RIC8B: variants seen among roughly 807,000 people sequenced by gnomAD.
RIC8B encodes RIC8 guanine nucleotide exchange factor B, also known as chaperone Ric-8B.
A neutral mutation model predicts 57.5 loss-of-function variants in RIC8B; 16 were observed. The observed-to-expected ratio is 0.28, with a 90% CI of 0.19 to 0.42. The LOEUF (loss-of-function observed/expected upper bound fraction) is 0.42. RIC8B is among the 10% of genes least tolerant of loss of function. The pLI, the probability that RIC8B is intolerant of heterozygous loss-of-function variation, is 1.00. For synonymous variants in RIC8B, 216 were observed against 250.8 expected (o/e 0.86, Z 1.31); for missense variants, 481 against 677.0 (o/e 0.71, Z 3.21).
Position 106,820,430 on chromosome 12 carries a change from C to T in RIC8B, c.741+5126C>T, listed in dbSNP as rs556416521. ...TTAAAAAGCCAATTGATTTATTTAG[C>T]AGGATATAAAGTCAGTTTTAGAAAA... On this transcript the variant is annotated intron_variant, in intron 3 of 9. Coordinates refer to ENST00000392837, the MANE Select transcript of RIC8B (RefSeq NM_001330145.2). 3.3e-5 allele frequency among the ~76,000 whole-genome samples: 5 copies of T among 152,284 alleles called. No individual in the cohort carries two copies. The South Asian group carries it at 1.0e-3, about 32-fold the overall frequency.
chr12:106,809,898 T>G (rs1393615409), intron 2 of RIC8B, among the ~76,000 whole-genome samples: 1 of 152,022 alleles, frequency 6.6e-6, no homozygotes, highest in Non-Finnish European at 1.5e-5. Flanking sequence ...GTAACTGTAA[T>G]TGACCTGTTG....
At chr12:106,784,417 C>G (rs1001440218) in intron 2 of RIC8B, among the ~76,000 whole-genome samples, 4 of 152,174 alleles carry the variant, frequency 2.6e-5, no homozygotes, top group African/African-American at 4.8e-5. Context: ...GCTCTATCAC[C>G]CAGGTTGGAG....
chr12:106,778,355 A>G (rs1374891739), intron 1 of RIC8B, among the ~76,000 whole-genome samples: 2 of 152,156 alleles, frequency 1.3e-5, no homozygotes, highest in African/African-American at 4.8e-5. Flanking sequence ...GGAAATATGT[A>G]TCTATCCCAG....
chr12:106,874,359 C>T (rs1950577784), intron 9 of RIC8B: 1 of 755,336 alleles, frequency 1.3e-6, no homozygotes, highest in East Asian at 2.7e-5. Context: ...ATTAACTTTC[C>T]TTCTCAAAAA....
In RIC8B at chr12:106,774,930, C is replaced by T. The variant is rs1278173664; in HGVS notation, c.84+101C>T. ...CCACCCCCCTCATTCCGGGGATGCG[C>T]ATTGCTCTCCCCCGAAAACGTTTCC... On this transcript the variant is annotated intron_variant, in intron 1 of 9. Transcript: ENST00000392837. 3 of 868,524 alleles carry T rather than the reference C, an allele frequency of 3.5e-6. No homozygotes were observed. The African/African-American group carries it at 5.2e-5, about 15-fold the overall frequency. The allele number at this position is 868,524 out of a possible 1,614,324, so 53.8% of individuals were successfully genotyped here.
At chr12:106,826,499 A>C (rs1286444503) in intron 4 of RIC8B, among the ~76,000 whole-genome samples, 1 of 152,236 alleles carries the variant, frequency 6.6e-6, no homozygotes, top group Non-Finnish European at 1.5e-5. Flanking sequence ...CATGCCTGTA[A>C]ACCCAACACT....
At chr12:106,843,814 T>G (rs1949065714) in intron 5 of RIC8B, 38 bp from the exon 6 acceptor site, 2 of 1,448,208 alleles carry the variant, frequency 1.4e-6, no homozygotes, top group East Asian at 4.6e-5. Context: ...GAAACAAAAC[T>G]AACGTATTTC....
intron 7 of RIC8B, among the ~76,000 whole-genome samples, chr12:106,856,865 T>G (rs1189711462): frequency 6.6e-6 from 1 of 152,174 alleles, no homozygotes. Flanking sequence ...GTAATTTCAG[T>G]ACACTATGAT....
intron 1 of RIC8B, among the ~76,000 whole-genome samples, chr12:106,781,819 A>C (rs2043775595): frequency 6.6e-6 from 1 of 152,210 alleles, no homozygotes; most frequent in South Asian, 2.1e-4. Context: ...CATTTTACAT[A>C]TAATGGCAAA....
chr12:106,820,444 A>C (rs757826992), intron 3 of RIC8B, among the ~76,000 whole-genome samples: 4 of 152,232 alleles, frequency 2.6e-5, no homozygotes, highest in Non-Finnish European at 5.9e-5. Flanking sequence ...ATATAAAGTC[A>C]GTTTTAGAAA....
At chr12:106,782,917 G>A (rs564224652) in intron 1 of RIC8B, among the ~76,000 whole-genome samples, 2 of 152,308 alleles carry the variant, frequency 1.3e-5, no homozygotes, top group South Asian at 2.1e-4. Flanking sequence ...ATTTTTGGTG[G>A]AGATTTTTGT....
intron 9 of RIC8B, among the ~76,000 whole-genome samples, chr12:106,876,326 TA>T (rs1379303524): frequency 6.6e-6 from 1 of 152,170 alleles, no homozygotes; most frequent in African/African-American, 2.4e-5. Flanking sequence ...GAAATGATAA[TA>T]TTTTTGATAC....
chr12:106,799,349 C>G (rs1033174385), intron 2 of RIC8B, among the ~76,000 whole-genome samples: 1 of 152,198 alleles, frequency 6.6e-6, no homozygotes. Context: ...ATGCCAAGCA[C>G]TATGCTAGAG....
chr12:106,787,267 A>G (rs2044073315), intron 2 of RIC8B, among the ~76,000 whole-genome samples: 1 of 152,138 alleles, frequency 6.6e-6, no homozygotes, highest in Non-Finnish European at 1.5e-5. Context: ...AACATCAACA[A>G]ACAAATTCAT....
At chr12:106,875,167 A>G (rs1486843265) in intron 9 of RIC8B, among the ~76,000 whole-genome samples, 1 of 152,108 alleles carries the variant, frequency 6.6e-6, no homozygotes, top group Non-Finnish European at 1.5e-5. Context: ...TGGCTTATTT[A>G]AATATTGGGG....
At chr12:106,841,908 A>C (rs561922505) in intron 4 of RIC8B, among the ~76,000 whole-genome samples, 42 of 152,260 alleles carry the variant, frequency 2.8e-4, no homozygotes, top group African/African-American at 9.6e-4. Context: ...GGTTCCCCCT[A>C]CTGGTGTGCA....
chr12:106,875,184 A>G (rs1950605365), intron 9 of RIC8B, among the ~76,000 whole-genome samples: 1 of 151,168 alleles, frequency 6.6e-6, no homozygotes. Context: ...GGGGTCCATA[A>G]TTCCTTTAAT....
chr12:106,874,674 T>C, intron 9 of RIC8B: 1 of 853,158 alleles, frequency 1.2e-6, no homozygotes, highest in South Asian at 1.7e-5. Context: ...CATTTCTATT[T>C]TGCCTCCATG....
chr12:106,779,888 T>TTGTG (rs58405740), intron 1 of RIC8B, among the ~76,000 whole-genome samples: 4 of 84,188 alleles, frequency 4.8e-5, no homozygotes, highest in Non-Finnish European at 9.6e-5. Flanking sequence ...TTTTTTTTTT[T>TTGTG]TGTGTGTGTG....
Sources: allele counts gnomAD v4.1 joint callset (sites outside exome capture counted in the v4.1 genomes callset), GRCh38; gene constraint gnomAD v4.1.1; transcripts MANE v1.5; gene names NCBI Gene and HGNC (gene_info 2026-07-23, HGNC 2026-07-21).